SAMD3: variants seen among roughly 807,000 people sequenced by gnomAD.
The protein encoded by SAMD3 is sterile alpha motif domain-containing protein 3.
In SAMD3, 63 loss-of-function variants were observed where a neutral mutation model predicts 58.5. The observed-to-expected ratio is 1.08, with a 90% CI of 0.88 to 1.33. The LOEUF (loss-of-function observed/expected upper bound fraction) is 1.33, where lower values mean the gene tolerates loss of function less well. Ranked by LOEUF, SAMD3 falls within the 40% of genes most tolerant of loss-of-function variation. The pLI is 0.00. For missense variants in SAMD3, 604 were observed against 608.4 expected (o/e 0.99, Z 0.08); for synonymous variants, 220 against 210.3 (o/e 1.05, Z -0.40).
chr6:130,314,142 T>C (rs114321197), intron 1 of SAMD3, among the ~76,000 whole-genome samples: 3,117 of 152,286 alleles, frequency 0.02, 96 homozygotes, highest in African/African-American at 0.07. Context: ...ATATGTACAC[T>C]GGAGAGGTGT....
At chr6:130,246,529 T>C (rs1773552596) in intron 2 of SAMD3, among the ~76,000 whole-genome samples, 1 of 151,854 alleles carries the variant, frequency 6.6e-6, no homozygotes, top group Non-Finnish European at 1.5e-5. Flanking sequence ...TTTTTGAGAA[T>C]GTTGCATGTG....
At chr6:130,255,702 C>T (rs1355340973) in intron 2 of SAMD3, among the ~76,000 whole-genome samples, 2 of 152,044 alleles carry the variant, frequency 1.3e-5, no homozygotes, top group African/African-American at 4.8e-5. Context: ...CTACATGGCA[C>T]AGGCTTGTCT....
intron 2 of SAMD3, among the ~76,000 whole-genome samples, chr6:130,299,390 G>A (rs182736026): frequency 4.9e-4 from 75 of 152,162 alleles, no homozygotes; most frequent in African/African-American, 1.6e-3. Context: ...CAAAATTAAC[G>A]CAGAAATATA....
intron 1 of SAMD3, among the ~76,000 whole-genome samples, chr6:130,321,838 G>A (rs760458272): frequency 2.4e-4 from 37 of 152,116 alleles, no homozygotes; most frequent in Non-Finnish European, 4.6e-4. Flanking sequence ...TATAAGGCAG[G>A]CTCCTTTTAG....
At chr6:130,279,910 G>C (rs926060011) in intron 2 of SAMD3, among the ~76,000 whole-genome samples, 3 of 152,010 alleles carry the variant, frequency 2.0e-5, no homozygotes, top group Non-Finnish European at 4.4e-5. Context: ...TTATTACCTA[G>C]TCTTTGAGCT....
chr6:130,225,500 A>G (rs1479392689), upstream of SAMD3, among the ~76,000 whole-genome samples: 1 of 152,208 alleles, frequency 6.6e-6, no homozygotes, highest in Non-Finnish European at 1.5e-5. Flanking sequence ...TGTCTATGGG[A>G]CTACTGGATC....
chr6:130,324,127 CAT>C (rs981987847), intron 1 of SAMD3, among the ~76,000 whole-genome samples: 11 of 152,082 alleles, frequency 7.2e-5, no homozygotes, highest in Middle Eastern at 6.8e-3. Context: ...TAACATTTTA[CAT>C]AGAGCAAATT....
At chr6:130,300,614 A>C (rs1364288381) in intron 2 of SAMD3, among the ~76,000 whole-genome samples, 1 of 152,192 alleles carries the variant, frequency 6.6e-6, no homozygotes, top group Non-Finnish European at 1.5e-5. Flanking sequence ...CATAGTACTG[A>C]AAGTTCTAGC....
chr6:130,311,700 TAA>T (rs1776172604), intron 2 of SAMD3, among the ~76,000 whole-genome samples: 1 of 152,034 alleles, frequency 6.6e-6, no homozygotes, highest in Non-Finnish European at 1.5e-5. Flanking sequence ...GCAAAGGATA[TAA>T]GAGTCTTCTG....
intron 2 of SAMD3, among the ~76,000 whole-genome samples, chr6:130,261,200 C>T (rs58908959): frequency 1.7e-5 from 2 of 119,470 alleles, no homozygotes; most frequent in African/African-American, 8.2e-5. Context: ...GTGCCTTTAT[C>T]AGCACTTTGG....
intron 5 of SAMD3, among the ~76,000 whole-genome samples, chr6:130,200,425 T>G (rs1474877229): frequency 6.6e-6 from 1 of 150,888 alleles, no homozygotes; most frequent in East Asian, 1.9e-4. Context: ...TGCATGCAAC[T>G]GTAGTCCCAG....
intron 5 of SAMD3, among the ~76,000 whole-genome samples, chr6:130,193,513 G>A (rs1369418526): frequency 6.6e-6 from 1 of 151,732 alleles, no homozygotes; most frequent in African/African-American, 2.4e-5. Context: ...CCGCTTTTCT[G>A]GAGGGTAAGA....
At chr6:130,269,581 T>A (rs1472292454) in intron 2 of SAMD3, among the ~76,000 whole-genome samples, 1 of 152,172 alleles carries the variant, frequency 6.6e-6, no homozygotes, top group Non-Finnish European at 1.5e-5. Context: ...CATTCTGATA[T>A]TGGTAATATG....
chr6:130,213,994 C>T (rs957439595), intron 4 of SAMD3, among the ~76,000 whole-genome samples: 1 of 152,026 alleles, frequency 6.6e-6, no homozygotes, highest in African/African-American at 2.4e-5. Context: ...AATCAAGATG[C>T]CTTTCCCAAA....
At position 130,254,476 on chromosome 6, in the gene SAMD3, A is replaced by G. The variant is rs1264924411; in HGVS notation, c.-187-31663T>C. On this transcript the variant is annotated intron_variant, in intron 2 of 13. Transcript: ENST00000368134. ...CTCCTAAAGTGCTGGTATTACAGGC[A>G]TGAGCCACCGAGTCCTGCCTTTTTG... is the stretch of plus-strand genomic sequence containing the variant. Among the ~76,000 whole-genome samples, 12 of 151,856 alleles carry G rather than the reference A, an allele frequency of 7.9e-5. No individual in the cohort carries two copies. In the East Asian group the frequency reaches 1.9e-3, roughly 24 times the overall value.
intron 8 of SAMD3, chr6:130,161,795 C>T (rs1433983835): frequency 6.5e-6 from 1 of 152,846 alleles, no homozygotes; most frequent in Non-Finnish European, 1.5e-5. Context: ...TAGGGTATTT[C>T]CTCACTTCTC....
intron 2 of SAMD3, among the ~76,000 whole-genome samples, chr6:130,234,410 A>G (rs1309530176): frequency 1.3e-5 from 2 of 152,200 alleles, no homozygotes; most frequent in Admixed American, 6.5e-5. Context: ...CTTAATGTTT[A>G]ATTCATGTTC....
chr6:130,298,477 C>A (rs999377191), intron 2 of SAMD3, among the ~76,000 whole-genome samples: 1 of 152,180 alleles, frequency 6.6e-6, no homozygotes, highest in East Asian at 1.9e-4. Flanking sequence ...TGAGACTACA[C>A]TATTTATCAC....
chr6:130,153,666 T>TATATATATATATATATATATATA (rs58896049), intron 9 of SAMD3, among the ~76,000 whole-genome samples: 1,247 of 89,776 alleles, frequency 0.014, 39 homozygotes, highest in South Asian at 0.019. Context: ...ATATATATAT[T>TATATATATATATATATATATATA]TATTTATTTA....
Sources: gnomAD v4.1 joint callset for allele counts (sites outside exome capture counted in the v4.1 genomes callset) on GRCh38, gnomAD v4.1.1 for gene constraint, MANE v1.5 for transcripts, NCBI Gene and HGNC (gene_info 2026-07-23, HGNC 2026-07-21) for gene names.